FILIP1L: variants seen among roughly 807,000 people sequenced by gnomAD.
FILIP1L encodes filamin A interacting protein 1 like.
In FILIP1L, 55 loss-of-function variants were observed where a neutral mutation model predicts 96.6. The ratio of observed to expected loss-of-function variants is 0.57; its 90% CI spans 0.46 to 0.71. FILIP1L has a LOEUF of 0.71. FILIP1L is among the 30% of genes least tolerant of loss of function. The probability of loss-of-function intolerance (pLI) is 0.00; values close to 1 mark genes in which losing one functional copy is unlikely to be tolerated. For synonymous variants in FILIP1L, 467 were observed against 473.9 expected (o/e 0.99, Z 0.19); for missense variants, 1,304 against 1,321.2 (o/e 0.99, Z 0.20).
intron 4 of FILIP1L, among the ~76,000 whole-genome samples, chr3:99,923,383 CA>C (rs1332317404): frequency 6.6e-6 from 1 of 152,176 alleles, no homozygotes; most frequent in Non-Finnish European, 1.5e-5. Context: ...ACCTACTCAC[CA>C]AGTAGAAACC....
intron 4 of FILIP1L, among the ~76,000 whole-genome samples, chr3:99,892,039 T>A (rs892800928): frequency 5.3e-5 from 8 of 152,202 alleles, no homozygotes; most frequent in African/African-American, 1.9e-4. Context: ...GCAAACACAT[T>A]AGTCAGAGCC....
At chr3:99,991,995 T>C (rs566820840) in intron 1 of FILIP1L, among the ~76,000 whole-genome samples, 48 of 148,214 alleles carry the variant, frequency 3.2e-4, no homozygotes, top group African/African-American at 1.2e-3. Context: ...TATATATACG[T>C]ATATATATGT....
At chr3:100,015,745 C>T (rs9827744) in intron 1 of FILIP1L, among the ~76,000 whole-genome samples, 121,600 of 152,114 alleles carry the variant, frequency 0.8, 48,785 homozygotes, top group East Asian at 0.88. Context: ...TCCTTGAAGT[C>T]AGGGACTTGT....
intron 1 of FILIP1L, among the ~76,000 whole-genome samples, chr3:100,076,206 G>A (rs1294635437): frequency 6.6e-6 from 1 of 152,038 alleles, no homozygotes; most frequent in Non-Finnish European, 1.5e-5. Context: ...ACCTCTTTTT[G>A]TCACTGCTCA....
intron 4 of FILIP1L, among the ~76,000 whole-genome samples, chr3:99,889,516 A>G (rs1706017562): frequency 6.6e-6 from 1 of 152,044 alleles, no homozygotes; most frequent in Non-Finnish European, 1.5e-5. Context: ...AATTGTTAAA[A>G]TTGCTTTAAT....
At chr3:100,067,746 A>G (rs898115630) in intron 1 of FILIP1L, among the ~76,000 whole-genome samples, 1 of 152,132 alleles carries the variant, frequency 6.6e-6, no homozygotes, top group Non-Finnish European at 1.5e-5. Flanking sequence ...CTAAATATAT[A>G]CCACACTACT....
intron 1 of FILIP1L, among the ~76,000 whole-genome samples, chr3:99,974,419 CATT>C (rs1488378253): frequency 3.3e-5 from 5 of 152,068 alleles, no homozygotes; most frequent in Admixed American, 2.6e-4. Context: ...AATAAAAACT[CATT>C]ATTTGGGCTG....
chr3:99,883,999 T>TTA (rs1705814505), intron 4 of FILIP1L, among the ~76,000 whole-genome samples: 1 of 152,094 alleles, frequency 6.6e-6, no homozygotes, highest in Admixed American at 6.5e-5. Context: ...TAACAGAGAG[T>TTA]TACAGAACTT....
intron 5 of FILIP1L, chr3:99,847,829 A>T: frequency 2.1e-6 from 1 of 482,724 alleles, no homozygotes; most frequent in Non-Finnish European, 2.7e-6. Context: ...GTTTGTTTTT[A>T]AGGAAGAATT....
intron 1 of FILIP1L, among the ~76,000 whole-genome samples, chr3:100,019,716 G>A (rs900509172): frequency 3.3e-5 from 5 of 152,072 alleles, no homozygotes; most frequent in African/African-American, 1.2e-4. Context: ...GCTGATGTAT[G>A]TTTGTGTAAG....
chr3:99,938,218 C>A (rs1342975559), intron 1 of FILIP1L, among the ~76,000 whole-genome samples: 2 of 152,208 alleles, frequency 1.3e-5, no homozygotes, highest in Non-Finnish European at 2.9e-5. Flanking sequence ...TATCCCTCAC[C>A]CCCAGCCCTC....
intron 1 of FILIP1L, among the ~76,000 whole-genome samples, chr3:100,050,169 G>A (rs2065345930): frequency 6.6e-6 from 1 of 152,098 alleles, no homozygotes; most frequent in Admixed American, 6.5e-5. Context: ...TTATTTACCA[G>A]CATTTCTGGT....
intron 1 of FILIP1L, among the ~76,000 whole-genome samples, chr3:100,016,958 T>C (rs1261777986): frequency 6.6e-6 from 1 of 152,244 alleles, no homozygotes; most frequent in Non-Finnish European, 1.5e-5. Flanking sequence ...TGAATCATTT[T>C]ATATTTACAT....
At chr3:99,835,625 C>A (rs1942865620) in intron 5 of FILIP1L, among the ~76,000 whole-genome samples, 1 of 152,170 alleles carries the variant, frequency 6.6e-6, no homozygotes, top group African/African-American at 2.4e-5. Context: ...TGAAACTCTG[C>A]AAAGTCATAT....
At chr3:99,932,195 C>T (rs921522893) in intron 1 of FILIP1L, among the ~76,000 whole-genome samples, 5 of 152,144 alleles carry the variant, frequency 3.3e-5, no homozygotes, top group Non-Finnish European at 7.4e-5. Context: ...CTTCCCACTC[C>T]AGAAGTAACC....
intron 4 of FILIP1L, among the ~76,000 whole-genome samples, chr3:99,903,089 C>G (rs1055462241): frequency 9.2e-5 from 14 of 152,088 alleles, no homozygotes; most frequent in Admixed American, 3.3e-4. Flanking sequence ...CCTTATTTAT[C>G]ATCTCAGGCC....
At chr3:99,837,034 A>G (rs1389696703) in intron 5 of FILIP1L, among the ~76,000 whole-genome samples, 1 of 152,226 alleles carries the variant, frequency 6.6e-6, no homozygotes, top group African/African-American at 2.4e-5. Flanking sequence ...ATAATCGTCC[A>G]TTGTTCTCCC....
At position 100,005,524 on chromosome 3, in the gene FILIP1L, C is replaced by T. The variant is rs567198087; in HGVS notation, c.-10-74494G>A. 5.3e-5 allele frequency among the ~76,000 whole-genome samples: 8 copies of T among 152,268 alleles called. No individual in the cohort carries two copies. In the East Asian group the frequency reaches 1.5e-3, roughly 29 times the overall value. On this transcript the variant is annotated intron_variant, in intron 1 of 5. Transcript: ENST00000477258. ...CTTATGAAGTCTAGATTTTAAGAAC[C>T]CTGGTTTAGGAAATGTGAGTGTAGT...
intron 1 of FILIP1L, among the ~76,000 whole-genome samples, chr3:100,057,210 T>C (rs1228114251): frequency 1.3e-5 from 2 of 152,144 alleles, no homozygotes; most frequent in East Asian, 3.9e-4. Context: ...GTGGACTAGG[T>C]GACTAAAGAC....
Sources: allele counts gnomAD v4.1 joint callset (sites outside exome capture counted in the v4.1 genomes callset), GRCh38; gene constraint gnomAD v4.1.1; transcripts MANE v1.5; gene names NCBI Gene and HGNC (gene_info 2026-07-23, HGNC 2026-07-21).